The following PAQR8 variants were observed in gnomAD, a reference collection of about 807,000 sequenced individuals.
The protein encoded by PAQR8 is progestin and adipoQ receptor family member 8.
PAQR8 carries 17 observed loss-of-function variants against 25.2 expected under a neutral mutation model. The observed-to-expected ratio is 0.67, with a 90% CI of 0.46 to 1.01. The LOEUF (loss-of-function observed/expected upper bound fraction) is 1.01. PAQR8 is among the 50% of genes least tolerant of loss of function. The pLI, the probability that PAQR8 is intolerant of heterozygous loss-of-function variation, is 0.00. For synonymous variants in PAQR8, 204 were observed against 190.6 expected, an observed-to-expected ratio of 1.07 and a Z score of -0.58; for missense variants, 392 against 448.4, an observed-to-expected ratio of 0.87 and a Z score of 1.14.
chr6:52,387,604 G>A (rs188613048), intron 1 of PAQR8, among the ~76,000 whole-genome samples: 2 of 152,352 alleles, frequency 1.3e-5, no homozygotes, highest in African/African-American at 4.8e-5. Flanking sequence ...CTAAGAGGAT[G>A]CTATAAACTG....
chr6:52,370,512 T>G (rs1228100509), intron 1 of PAQR8, among the ~76,000 whole-genome samples: 2 of 152,112 alleles, frequency 1.3e-5, no homozygotes, highest in East Asian at 1.9e-4. Flanking sequence ...GAGAAAACTT[T>G]AGAACGTTTA....
chr6:52,403,934 C>G lies in PAQR8; in HGVS notation c.721C>G (p.Gln241Glu). The G allele has an allele frequency of 6.2e-7, 1 of 1,614,222 alleles. No individual in the cohort carries two copies. The highest frequency in any genetic ancestry group is 2.2e-5 in the East Asian group (1 of 44,888). The change falls in exon 2 of 2, where the codon CAG (glutamine) becomes GAG (glutamate). Residue 241 changes from glutamine to glutamate, a missense_variant. Coordinates refer to ENST00000442253, the MANE Select transcript of PAQR8 (RefSeq NM_133367.5). Reference sequence around the variant, plus strand: ...GGCGCTCTGTCACCTGGCTGGCTGCCAGGAGCAAGCAGCCTGGTACCACAC... The same window carrying G: ...GGCGCTCTGTCACCTGGCTGGCTGCGAGGAGCAAGCAGCCTGGTACCACAC... ...RVALCHLAGC[Q>E]EQAAWYHTLQ...
intron 1 of PAQR8, among the ~76,000 whole-genome samples, chr6:52,382,185 T>C (rs980644265): frequency 2.6e-5 from 4 of 152,182 alleles, no homozygotes; most frequent in African/African-American, 9.7e-5. Context: ...TGATACAAAC[T>C]GGAGGATGCA....
At chr6:52,385,543 A>G (rs1280385918) in intron 1 of PAQR8, among the ~76,000 whole-genome samples, 2 of 152,236 alleles carry the variant, frequency 1.3e-5, no homozygotes, top group African/African-American at 2.4e-5. Context: ...AAAACAAAAA[A>G]TTGACAAGTG....
At chr6:52,376,243 T>A (rs1027808191) in intron 1 of PAQR8, among the ~76,000 whole-genome samples, 5 of 152,208 alleles carry the variant, frequency 3.3e-5, no homozygotes. Context: ...CAGTAATGGC[T>A]TAGGCCAGTC....
chr6:52,363,783 G>A (rs1321975526), intron 1 of PAQR8, among the ~76,000 whole-genome samples: 1 of 152,188 alleles, frequency 6.6e-6, no homozygotes. Flanking sequence ...CTGCACCCTT[G>A]ACCAGGTCAA....
Position 52,404,438 on chromosome 6 carries a change from T to G in PAQR8, c.*160T>G. The stretch of plus-strand genomic sequence containing the variant: ...TTGAAAGCCAAAGGATTTAAGAGTT[T>G]TGTTGTTGTTAATAAAAGGAATACT... On this transcript the variant is annotated 3_prime_UTR_variant, in exon 2 of 2. Transcript: ENST00000442253. 1.4e-6 allele frequency: 1 copy of G among 725,250 alleles called. No individual in the cohort carries two copies. The highest frequency in any genetic ancestry group is 2.2e-5 in the South Asian group (1 of 44,984). The allele number at this position is 725,250 out of a possible 1,614,324, so 44.9% of individuals were successfully genotyped here. A position where few individuals can be genotyped will look rare whatever the true frequency, so the allele number is the denominator to read the frequency against.
Position 52,389,841 on chromosome 6 carries a change from G to A in PAQR8, c.-52-13321G>A, listed in dbSNP as rs115398236. Among the ~76,000 whole-genome samples, 839 of 152,280 alleles carry A rather than the reference G, an allele frequency of 5.5e-3. 8 individuals are homozygous for A. Among genetic ancestry groups the A allele is most frequent in the African/African-American group, 0.019 (807 of 41,534 alleles). On this transcript the variant is annotated intron_variant, in intron 1 of 1. Coordinates refer to ENST00000442253, the MANE Select transcript of PAQR8 (RefSeq NM_133367.5). Reference sequence around the variant, plus strand: ...AGTGGAAATGAGCAGCTCTCTTCACGTTCACCCGGGTTGGCCCGGGTCCCA... The same window carrying A: ...AGTGGAAATGAGCAGCTCTCTTCACATTCACCCGGGTTGGCCCGGGTCCCA...
chr6:52,368,409 G>A (rs1331676956), intron 1 of PAQR8, among the ~76,000 whole-genome samples: 1 of 152,000 alleles, frequency 6.6e-6, no homozygotes, highest in Non-Finnish European at 1.5e-5. Context: ...TAGCACCTGG[G>A]TATCAGATTT....
chr6:52,385,634 A>G (rs1763624454), intron 1 of PAQR8, among the ~76,000 whole-genome samples: 1 of 152,206 alleles, frequency 6.6e-6, no homozygotes, highest in Non-Finnish European at 1.5e-5. Flanking sequence ...CTGGAATTCT[A>G]GCACTTTGGG....
At chr6:52,385,149 G>C (rs980411450) in intron 1 of PAQR8, among the ~76,000 whole-genome samples, 1 of 152,208 alleles carries the variant, frequency 6.6e-6, no homozygotes, top group Non-Finnish European at 1.5e-5. Context: ...CATGGGGGCA[G>C]TGTCCCCCAT....
Position 52,406,686 on chromosome 6 carries a change from C to T in PAQR8, c.*2408C>T, listed in dbSNP as rs1581801056. The T allele has an allele frequency of 1.2e-5, 5 of 404,342 alleles. No homozygotes were observed. In the East Asian group the frequency reaches 1.8e-4, roughly 14 times the overall value. 25.0% of individuals were successfully genotyped at this position (404,342 alleles called of 1,614,324 possible). On this transcript the variant is annotated 3_prime_UTR_variant, in exon 2 of 2. Coordinates refer to ENST00000442253, the MANE Select transcript of PAQR8 (RefSeq NM_133367.5). ...CAAGCAATCCTCCCACCTCAGCCTC[C>T]TAAGTACCTGGTACTACAGGCGCGT...
intron 1 of PAQR8, among the ~76,000 whole-genome samples, chr6:52,381,773 A>G (rs1763563188): frequency 6.6e-6 from 1 of 152,066 alleles, no homozygotes; most frequent in Admixed American, 6.5e-5. Flanking sequence ...GAGGAGAAAT[A>G]TTTTCCTTTA....
At chr6:52,379,240 T>G (rs909751220) in intron 1 of PAQR8, among the ~76,000 whole-genome samples, 6 of 152,110 alleles carry the variant, frequency 3.9e-5, no homozygotes, top group African/African-American at 1.4e-4. Flanking sequence ...TAGAGTAGTG[T>G]TCTCTGAATT....
chr6:52,392,237 G>A (rs192175873), intron 1 of PAQR8, among the ~76,000 whole-genome samples: 92 of 152,108 alleles, frequency 6.0e-4, no homozygotes, highest in Admixed American at 1.2e-3. Context: ...CCAACTACTC[G>A]GGAGGCTGAG....
In PAQR8 at chr6:52,403,616, A is replaced by C; in HGVS notation, c.403A>C (p.Lys135Gln). 6.2e-7 allele frequency: 1 copy of C among 1,614,102 alleles called. No homozygotes were observed. Among genetic ancestry groups the C allele is most frequent in the Non-Finnish European group, 8.5e-7 (1 of 1,180,016 alleles). The change falls in exon 2 of 2, where the codon AAG (lysine) becomes CAG (glutamine). Residue 135 changes from lysine (K) to glutamine (Q), a missense_variant. Lys to Gln is a moderately conservative substitution (Grantham distance 53). Coordinates refer to ENST00000442253, the MANE Select transcript of PAQR8 (RefSeq NM_133367.5). Reference protein sequence around the residue: ...CSLLAHLLQSKSELSHYTFYF... With the variant: ...CSLLAHLLQSQSELSHYTFYF... ...CCTTCTGGCCCACCTGCTGCAGTCCAAGTCAGAGCTCTCCCACTACACCTT... is the reference window on the plus strand; with the variant it reads ...CCTTCTGGCCCACCTGCTGCAGTCCCAGTCAGAGCTCTCCCACTACACCTT...
chr6:52,406,370 T>G lies in PAQR8; in HGVS notation c.*2092T>G, dbSNP rs1260950125. On this transcript the variant is annotated 3_prime_UTR_variant, in exon 2 of 2. Transcript: ENST00000442253. Reference sequence around the variant, plus strand: ...CTGGTGGTATTGTGGGCAGAGATCTTTAGTTCAAATCCACGTATTTTTTAA... The same window carrying G: ...CTGGTGGTATTGTGGGCAGAGATCTGTAGTTCAAATCCACGTATTTTTTAA... 2.4e-6 allele frequency: 1 copy of G among 411,872 alleles called. No individual in the cohort carries two copies. The highest frequency in any genetic ancestry group is 4.4e-6 in the Non-Finnish European group (1 of 225,432). 25.5% of individuals were successfully genotyped at this position (411,872 alleles called of 1,614,324 possible).
At chr6:52,380,410 G>GA (rs1562429533) in intron 1 of PAQR8, among the ~76,000 whole-genome samples, 1 of 152,154 alleles carries the variant, frequency 6.6e-6, no homozygotes, top group Non-Finnish European at 1.5e-5. Flanking sequence ...AACTCATTTG[G>GA]AAAAACAATC....
chr6:52,405,323 AAACT>A lies in PAQR8; in HGVS notation c.*1049_*1052del, dbSNP rs1763895447. 6.0e-6 allele frequency: 1 copy of A among 167,150 alleles called. No individual in the cohort carries two copies. Among genetic ancestry groups the A allele is most frequent in the Non-Finnish European group, 1.5e-5 (1 of 68,158 alleles). 10.4% of individuals were successfully genotyped at this position (167,150 alleles called of 1,614,324 possible). A position where few individuals can be genotyped will look rare whatever the true frequency, so the allele number is the denominator to read the frequency against. On this transcript the variant is annotated 3_prime_UTR_variant, in exon 2 of 2. Transcript: ENST00000442253. ...GATGCTGCCCCACGAAGGACCCACA[AAACT>A]AACCTAGTTCAGGGTTCTCAGGCAG...
Sources: allele counts gnomAD v4.1 joint callset (sites outside exome capture counted in the v4.1 genomes callset), GRCh38; gene constraint gnomAD v4.1.1; transcripts MANE v1.5; gene names NCBI Gene and HGNC (gene_info 2026-07-23, HGNC 2026-07-21).